Variants in ARFGEF3 observed in about 807,000 individuals in gnomAD.
ARFGEF3 encodes the protein ARFGEF family member 3.
ARFGEF3 carries 96 observed loss-of-function variants against 221.7 expected under a neutral mutation model. That is an observed-to-expected ratio of 0.43 (90% confidence interval 0.37 to 0.51). ARFGEF3 has a LOEUF of 0.51. Ranked by LOEUF, ARFGEF3 falls within the 20% of genes least tolerant of loss-of-function variation. ARFGEF3 has a pLI of 0.00. For synonymous variants in ARFGEF3, 1,145 were observed against 1,126.8 expected, an observed-to-expected ratio of 1.02 and a Z score of -0.32; for missense variants, 2,410 against 2,789.9, an observed-to-expected ratio of 0.86 and a Z score of 3.07.
chr6:138,180,225 C>T (rs1392181412), intron 2 of ARFGEF3, among the ~76,000 whole-genome samples: 1 of 152,164 alleles, frequency 6.6e-6, no homozygotes, highest in Non-Finnish European at 1.5e-5. Context: ...TTTTGGCACA[C>T]AGTTTGATTC....
intron 6 of ARFGEF3, among the ~76,000 whole-genome samples, chr6:138,242,666 A>G (rs1778414201): frequency 6.6e-6 from 1 of 152,220 alleles, no homozygotes; most frequent in African/African-American, 2.4e-5. Context: ...AGTGCACCAC[A>G]GGGTTTAAAC....
At chr6:138,177,073 A>ATTTC (rs1417500504) in intron 2 of ARFGEF3, among the ~76,000 whole-genome samples, 7 of 138,312 alleles carry the variant, frequency 5.1e-5, no homozygotes, top group African/African-American at 2.1e-4. Context: ...TTATTTATTT[A>ATTTC]TTTATTTATT....
intron 20 of ARFGEF3, among the ~76,000 whole-genome samples, chr6:138,295,303 G>A (rs988108833): frequency 6.6e-6 from 1 of 152,100 alleles, no homozygotes; most frequent in East Asian, 1.9e-4. Flanking sequence ...CTGTAAAATA[G>A]CAATAATTAT....
At chr6:138,232,975 G>T (rs1290276578) in intron 5 of ARFGEF3, among the ~76,000 whole-genome samples, 1 of 152,086 alleles carries the variant, frequency 6.6e-6, no homozygotes, top group Non-Finnish European at 1.5e-5. Context: ...GCAGAATCTT[G>T]CCATAATAAT....
chr6:138,203,355 A>G (rs1777570655), intron 2 of ARFGEF3, among the ~76,000 whole-genome samples: 2 of 152,172 alleles, frequency 1.3e-5, no homozygotes, highest in Non-Finnish European at 2.9e-5. Flanking sequence ...CTGAACCTCA[A>G]TTTTCTCAAA....
chr6:138,336,705 C>T lies in ARFGEF3; in HGVS notation c.*219C>T, dbSNP rs1780332476. ...TGACACAAACGATATTCTGATTTTGCACATTATTATAGAAGAATCTATAAT... is the reference window on the plus strand; with the variant it reads ...TGACACAAACGATATTCTGATTTTGTACATTATTATAGAAGAATCTATAAT... On this transcript the variant is annotated 3_prime_UTR_variant, in exon 34 of 34. Coordinates refer to ENST00000251691, the MANE Select transcript of ARFGEF3 (RefSeq NM_020340.5). 1 of 388,186 alleles carries T rather than the reference C, an allele frequency of 2.6e-6. No individual in the cohort carries two copies. Among genetic ancestry groups the T allele is most frequent in the Non-Finnish European group, 4.6e-6 (1 of 219,488 alleles). The allele number at this position is 388,186 out of a possible 1,614,324, so 24.0% of individuals were successfully genotyped here. A position where few individuals can be genotyped will look rare whatever the true frequency, so the allele number is the denominator to read the frequency against.
chr6:138,234,159 C>T (rs1219122036), intron 5 of ARFGEF3, among the ~76,000 whole-genome samples: 2 of 152,222 alleles, frequency 1.3e-5, no homozygotes, highest in African/African-American at 4.8e-5. Flanking sequence ...AGAAGACACA[C>T]AGACCAGTGT....
chr6:138,324,357 C>G (rs919301899), intron 31 of ARFGEF3, among the ~76,000 whole-genome samples: 3 of 152,188 alleles, frequency 2.0e-5, no homozygotes, highest in African/African-American at 7.2e-5. Flanking sequence ...TCCATCATCT[C>G]ATTTGTTGCA....
intron 26 of ARFGEF3, among the ~76,000 whole-genome samples, chr6:138,315,600 C>T (rs1446264689): frequency 6.6e-6 from 1 of 152,028 alleles, no homozygotes; most frequent in Non-Finnish European, 1.5e-5. Context: ...GCCTCTAATC[C>T]CAACACTTTG....
chr6:138,249,436 T>G (rs1319996235), intron 8 of ARFGEF3, among the ~76,000 whole-genome samples: 2 of 152,158 alleles, frequency 1.3e-5, no homozygotes, highest in African/African-American at 4.8e-5. Context: ...TTCAAACAAT[T>G]CTCCTGCTTC....
intron 2 of ARFGEF3, among the ~76,000 whole-genome samples, chr6:138,197,939 C>T (rs949419330): frequency 2.0e-5 from 3 of 152,204 alleles, no homozygotes; most frequent in Non-Finnish European, 4.4e-5. Context: ...TCCCATGCCA[C>T]TATCTGGAAA....
intron 14 of ARFGEF3, among the ~76,000 whole-genome samples, chr6:138,285,344 G>A (rs907066223): frequency 3.3e-5 from 5 of 151,800 alleles, no homozygotes; most frequent in African/African-American, 9.7e-5. Flanking sequence ...CCAGCTACTC[G>A]GGAGGCTGAG....
chr6:138,284,516 G>A (rs565122674), intron 14 of ARFGEF3, among the ~76,000 whole-genome samples: 2 of 152,280 alleles, frequency 1.3e-5, no homozygotes, highest in South Asian at 2.1e-4. Flanking sequence ...TCAGAGCCAA[G>A]ACTAAAGCTT....
Position 138,253,967 on chromosome 6 carries a change from C to T in ARFGEF3, c.753C>T (p.Arg251=). The change falls in exon 9 of 34, where the codon CGC becomes CGT. Residue 251 remains arginine (R), a synonymous_variant. Coordinates refer to ENST00000251691, the MANE Select transcript of ARFGEF3 (RefSeq NM_020340.5). ...CCTCCTCCATGCACCTGCACAGGCG[C>T]TTCACGGACCTGATCTGGTGAGCAC... ...SSSSSMHLHR[R]FTDLIWKNLC... is the part of the protein sequence containing the mutation. 6.3e-7 allele frequency: 1 copy of T among 1,589,478 alleles called. No individual in the cohort carries two copies. Among genetic ancestry groups the T allele is most frequent in the South Asian group, 1.2e-5 (1 of 86,816 alleles).
At chr6:138,286,189 G>T (rs947259480) in intron 15 of ARFGEF3, 136 bp downstream of exon 15, 2 of 621,164 alleles carry the variant, frequency 3.2e-6, no homozygotes, top group Middle Eastern at 3.0e-4. Flanking sequence ...GGTGGCTCAC[G>T]CCTGTAATCC....
intron 1 of ARFGEF3, among the ~76,000 whole-genome samples, chr6:138,164,140 A>G (rs1776674327): frequency 6.6e-6 from 1 of 152,236 alleles, no homozygotes; most frequent in Non-Finnish European, 1.5e-5. Context: ...CTATAGGGAT[A>G]GGTTTTCCTG....
chr6:138,269,625 A>G (rs1778961561), intron 12 of ARFGEF3, among the ~76,000 whole-genome samples: 1 of 152,082 alleles, frequency 6.6e-6, no homozygotes, highest in Non-Finnish European at 1.5e-5. Flanking sequence ...CCTGACCAAC[A>G]TGGAGAAACC....
Position 138,334,801 on chromosome 6 carries a change from CCTG to C in ARFGEF3, c.5963_5965del (p.Leu1988del). On this transcript the variant is annotated inframe_deletion, in exon 33 of 34. Transcript: ENST00000251691. This position sits in a 1 kb window ranked among gnomAD's most constrained non-coding sequence, Gnocchi z 5.1. ...TGAGCCTGAAGGCCGGTGGTGGGGA[CCTG>C]CTGCTGCCCCCCAGCCCCAAAGTGG... 1 of 1,603,938 alleles carries C rather than the reference CCTG, an allele frequency of 6.2e-7. No homozygotes were observed. Among genetic ancestry groups the C allele is most frequent in the South Asian group, 1.1e-5 (1 of 89,148 alleles).
At chr6:138,310,749 ACT>A (rs923290051) in intron 24 of ARFGEF3, among the ~76,000 whole-genome samples, 2 of 152,208 alleles carry the variant, frequency 1.3e-5, no homozygotes, top group African/African-American at 4.8e-5. Context: ...ATTCAGTTAC[ACT>A]CTTACAGAAA....
Sources: gnomAD v4.1 joint callset for allele counts (sites outside exome capture counted in the v4.1 genomes callset) on GRCh38, gnomAD v4.1.1 for gene constraint, Gnocchi (gnomAD v3.1) non-coding constraint, MANE v1.5 for transcripts, NCBI Gene and HGNC (gene_info 2026-07-23, HGNC 2026-07-21) for gene names.